PPM1E: variants seen among roughly 807,000 people sequenced by gnomAD.
PPM1E encodes protein phosphatase, Mg2+/Mn2+ dependent 1E, also known as protein phosphatase 1E.
PPM1E carries 20 observed loss-of-function variants against 65.9 expected under a neutral mutation model. That is an observed-to-expected ratio of 0.30 (90% CI 0.21 to 0.44). The LOEUF (loss-of-function observed/expected upper bound fraction) is 0.44, where lower values mean the gene tolerates loss of function less well. PPM1E is among the 20% of genes least tolerant of loss of function. The probability of loss-of-function intolerance (pLI) is 1.00; values close to 1 mark genes in which losing one functional copy is unlikely to be tolerated. For synonymous variants in PPM1E, 352 were observed against 374.9 expected (o/e 0.94, Z 0.70); for missense variants, 713 against 953.1 (o/e 0.75, Z 3.32).
At chr17:58,837,109 G>A (rs2050667212) in intron 1 of PPM1E, among the ~76,000 whole-genome samples, 1 of 150,866 alleles carries the variant, frequency 6.6e-6, no homozygotes, top group Non-Finnish European at 1.5e-5. Context: ...GGGTTTGTTG[G>A]CGCATGCCTG....
chr17:58,965,076 A>G (rs983109148), intron 2 of PPM1E, among the ~76,000 whole-genome samples: 2 of 149,312 alleles, frequency 1.3e-5, no homozygotes, highest in African/African-American at 4.9e-5. Context: ...ATATATATAC[A>G]CACACACACA....
At chr17:58,860,508 A>G (rs1443147997) in intron 1 of PPM1E, among the ~76,000 whole-genome samples, 2 of 152,220 alleles carry the variant, frequency 1.3e-5, no homozygotes, top group Non-Finnish European at 2.9e-5. Flanking sequence ...TAGAGGAGAA[A>G]GCTGATGAAG....
intron 1 of PPM1E, among the ~76,000 whole-genome samples, chr17:58,918,342 G>A (rs902194233): frequency 1.3e-5 from 2 of 152,058 alleles, no homozygotes; most frequent in African/African-American, 4.8e-5. Context: ...AGGGCATATC[G>A]TTTTTATCAG....
intron 1 of PPM1E, among the ~76,000 whole-genome samples, chr17:58,797,990 G>C (rs980967312): frequency 1.3e-5 from 2 of 152,116 alleles, no homozygotes; most frequent in East Asian, 3.9e-4. Context: ...GCATGTAATA[G>C]TATCTTGTAC....
chr17:58,821,147 G>A (rs2050475718), intron 1 of PPM1E, among the ~76,000 whole-genome samples: 1 of 152,052 alleles, frequency 6.6e-6, no homozygotes, highest in African/African-American at 2.4e-5. Flanking sequence ...GTCTCGCTTT[G>A]TCACCCAGGC....
rs1422405569 is a variant in PPM1E at position 58,805,980 on chromosome 17, AAAAACAAAACAAAAC to A, written c.464+49529_464+49543del. ...AAAAAACAAAAAAAAAAAACAAAAA[AAAAACAAAACAAAAC>A]AAAACAAAAAAAAAACTATATGTAG... On this transcript the variant is annotated intron_variant, in intron 1 of 6. Transcript: ENST00000308249. 7.1e-4 allele frequency among the ~76,000 whole-genome samples: 77 copies of A among 107,928 alleles called. 3 individuals are homozygous for A. The highest frequency in any genetic ancestry group is 2.6e-3 in the African/African-American group (62 of 24,040). 70.8% of individuals were successfully genotyped at this position (107,928 alleles called of 152,430 possible). A position where few individuals can be genotyped will look rare whatever the true frequency, so the allele number is the denominator to read the frequency against.
chr17:58,773,970 T>A (rs1391489639), intron 1 of PPM1E, among the ~76,000 whole-genome samples: 1 of 152,094 alleles, frequency 6.6e-6, no homozygotes, highest in East Asian at 1.9e-4. Flanking sequence ...CAGACCAGTC[T>A]GGCCAACATG....
In PPM1E at chr17:58,972,187, A is replaced by C. The variant is rs1336589676; in HGVS notation, c.1028A>C (p.His343Pro). 1 of 1,614,092 alleles carries C rather than the reference A, an allele frequency of 6.2e-7. No homozygotes were observed. The highest frequency in any genetic ancestry group is 8.5e-7 in the Non-Finnish European group (1 of 1,179,950). Reference protein sequence around the residue: ...VVTFIRGNMLHVAWVGDSQVM... With the variant: ...VVTFIRGNMLPVAWVGDSQVM... ...ACTTTCATCAGAGGCAACATGCTAC[A>C]TGTGGCCTGGGTGGGTGATTCCCAG... The change falls in exon 5 of 7, where the codon CAT becomes CCT. Residue 343 changes from histidine to proline, a missense_variant. Physicochemically the swap from His to Pro is moderately conservative, Grantham distance 77. Coordinates refer to ENST00000308249, the MANE Select transcript of PPM1E (RefSeq NM_014906.5).
intron 1 of PPM1E, among the ~76,000 whole-genome samples, chr17:58,866,295 C>T (rs995944675): frequency 6.6e-6 from 1 of 152,180 alleles, no homozygotes; most frequent in Non-Finnish European, 1.5e-5. Context: ...AGGCAGAACA[C>T]GTAGATTCCC....
At chr17:58,958,762 A>G (rs1000699325) in intron 2 of PPM1E, among the ~76,000 whole-genome samples, 3 of 151,858 alleles carry the variant, frequency 2.0e-5, no homozygotes, top group Non-Finnish European at 2.9e-5. Context: ...GATAATTCCA[A>G]TGGTTTTTTT....
intron 1 of PPM1E, among the ~76,000 whole-genome samples, chr17:58,938,600 A>C (rs532744425): frequency 6.6e-6 from 1 of 152,246 alleles, no homozygotes; most frequent in African/African-American, 2.4e-5. Context: ...ATAGTCTTTA[A>C]TATCTACATA....
intron 1 of PPM1E, among the ~76,000 whole-genome samples, chr17:58,764,660 C>T (rs1003127925): frequency 6.6e-6 from 1 of 152,018 alleles, no homozygotes; most frequent in Non-Finnish European, 1.5e-5. Flanking sequence ...CTCTGTCACC[C>T]GGGCTGGAGT....
At chr17:58,966,230 T>C (rs937118502) in intron 3 of PPM1E, 2 of 374,674 alleles carry the variant, frequency 5.3e-6, no homozygotes, top group Non-Finnish European at 5.0e-6. Context: ...AAGAAAATGA[T>C]TAGGCTGGGT....
chr17:58,773,889 C>T (rs1043876450), intron 1 of PPM1E, among the ~76,000 whole-genome samples: 6 of 151,994 alleles, frequency 3.9e-5, no homozygotes, highest in African/African-American at 1.5e-4. Flanking sequence ...TGGCTGGGTG[C>T]GGTGGCTCAT....
chr17:58,966,325 G>C (rs556152903), intron 3 of PPM1E: 2 of 358,144 alleles, frequency 5.6e-6, no homozygotes, highest in African/African-American at 4.5e-5. Flanking sequence ...GACCAGCCTG[G>C]GTGACAGACA....
intron 1 of PPM1E, among the ~76,000 whole-genome samples, chr17:58,916,827 C>T (rs2051688615): frequency 6.6e-6 from 1 of 152,044 alleles, no homozygotes; most frequent in African/African-American, 2.4e-5. Flanking sequence ...ATGGGAAAAC[C>T]ATTTGTAAAC....
intron 1 of PPM1E, among the ~76,000 whole-genome samples, chr17:58,897,599 C>T (rs1457819875): frequency 2.0e-5 from 3 of 152,028 alleles, no homozygotes; most frequent in African/African-American, 7.2e-5. Context: ...TTAAGAGAAA[C>T]ATTTTATAAG....
chr17:58,790,505 C>T (rs1010623025), intron 1 of PPM1E, among the ~76,000 whole-genome samples: 3 of 152,068 alleles, frequency 2.0e-5, no homozygotes, highest in African/African-American at 7.2e-5. Flanking sequence ...GAGTCTAATT[C>T]CCCTCTCCTT....
At position 58,980,857 on chromosome 17, in the gene PPM1E, C is replaced by T. The variant is rs1382426748; in HGVS notation, c.2094C>T (p.His698=). 9.3e-6 allele frequency: 15 copies of T among 1,614,034 alleles called. No homozygotes were observed. Among genetic ancestry groups the T allele is most frequent in the Middle Eastern group, 1.6e-4 (1 of 6,084 alleles). Residue 698 remains histidine, a synonymous_variant, in exon 7 of 7, where the codon CAC becomes CAT. Coordinates refer to ENST00000308249, the MANE Select transcript of PPM1E (RefSeq NM_014906.5). This position sits in a 1 kb window ranked among gnomAD's most constrained non-coding sequence, Gnocchi z 4.7. ...TTCTCTCTGCTCAAGAGCCTTCCCA[C>T]AAAATAGGCACTAGCCTGTCCTCAC... ...YSFLSAQEPS[H]KIGTSLSSLT...
Sources: allele counts gnomAD v4.1 joint callset (sites outside exome capture counted in the v4.1 genomes callset), GRCh38; gene constraint gnomAD v4.1.1; non-coding constraint Gnocchi (gnomAD v3.1); transcripts MANE v1.5; gene names NCBI Gene and HGNC (gene_info 2026-07-23, HGNC 2026-07-21).